PLCB4: variants seen among roughly 807,000 people sequenced by gnomAD.
PLCB4 encodes the protein phospholipase C beta 4.
In PLCB4, 77 loss-of-function variants were observed where a neutral mutation model predicts 178.8. The ratio of observed to expected loss-of-function variants is 0.43; its 90% CI spans 0.36 to 0.52. The LOEUF (loss-of-function observed/expected upper bound fraction) is 0.52, where lower values mean the gene tolerates loss of function less well. Ranked by LOEUF, PLCB4 falls within the 20% of genes least tolerant of loss-of-function variation. PLCB4 has a pLI of 0.00. For synonymous variants in PLCB4, 496 were observed against 490.8 expected (o/e 1.01, Z -0.14); for missense variants, 1,024 against 1,453.4 (o/e 0.70, Z 4.80).
intron 17 of PLCB4, among the ~76,000 whole-genome samples, chr20:9,391,246 A>T (rs150309516): frequency 5.3e-5 from 8 of 152,326 alleles, no homozygotes; most frequent in Admixed American, 1.3e-4. Context: ...GCTTTATGAG[A>T]TCTGTGAATT....
rs189835617 is a variant in PLCB4, at chr20:9,403,698, A to G, written c.1612-1615A>G. Among the ~76,000 whole-genome samples the G allele has an allele frequency of 2.6e-5, 4 of 152,316 alleles. No individual in the cohort carries two copies. The East Asian group carries it at 7.7e-4, about 29-fold the overall frequency. On this transcript the variant is annotated intron_variant, in intron 20 of 39. Transcript: ENST00000378473. ...TTGAACAGAGGTTGAATAGTTGGCC[A>G]CCTTTGATTGGCTGAAACTCAGTGA...
intron 2 of PLCB4, among the ~76,000 whole-genome samples, chr20:9,119,518 G>GGA (rs373728613): frequency 7.6e-6 from 1 of 131,604 alleles, no homozygotes; most frequent in Non-Finnish European, 1.6e-5. Flanking sequence ...AGAGAAAGGA[G>GGA]AAAAAAAAAA....
At chr20:9,354,110 C>T (rs1044144654) in intron 7 of PLCB4, among the ~76,000 whole-genome samples, 2 of 152,188 alleles carry the variant, frequency 1.3e-5, no homozygotes, top group Non-Finnish European at 2.9e-5. Context: ...TGTGAAATAT[C>T]CTCTTACCCA....
At chr20:9,415,759 A>G (rs2040198455) in intron 25 of PLCB4, among the ~76,000 whole-genome samples, 2 of 152,258 alleles carry the variant, frequency 1.3e-5, no homozygotes, top group South Asian at 2.1e-4. Context: ...CTGAGAATTT[A>G]GGATGGTGGA....
At chr20:9,339,885 A>C (rs991460083) in intron 7 of PLCB4, among the ~76,000 whole-genome samples, 3 of 152,150 alleles carry the variant, frequency 2.0e-5, no homozygotes, top group African/African-American at 7.2e-5. Flanking sequence ...CTTCTCGAAG[A>C]AGTAGAAAGC....
In PLCB4 at chr20:9,462,489, A is replaced by T. The variant is rs555673931; in HGVS notation, c.3248+2679A>T. On this transcript the variant is annotated intron_variant, in intron 35 of 39. Coordinates refer to ENST00000378473, the MANE Select transcript of PLCB4 (RefSeq NM_001377142.1). ...TCTCTGAGCTAAAGGAGCATGTTCAAACCCATCGCAAGGAAGCTAAAAACC... is the reference window on the plus strand; with the variant it reads ...TCTCTGAGCTAAAGGAGCATGTTCATACCCATCGCAAGGAAGCTAAAAACC... Among the ~76,000 whole-genome samples the T allele has an allele frequency of 4.6e-5, 7 of 152,326 alleles. No individual in the cohort carries two copies. In the South Asian group the frequency reaches 1.5e-3, roughly 32 times the overall value.
intron 12 of PLCB4, among the ~76,000 whole-genome samples, chr20:9,375,744 G>A (rs888348497): frequency 1.3e-5 from 2 of 152,144 alleles, no homozygotes; most frequent in Non-Finnish European, 2.9e-5. Flanking sequence ...GATGTTGATT[G>A]TCTACTCTGA....
intron 3 of PLCB4, among the ~76,000 whole-genome samples, chr20:9,286,976 G>A (rs935039974): frequency 6.6e-6 from 1 of 152,036 alleles, no homozygotes; most frequent in South Asian, 2.1e-4. Context: ...ATATTTATGA[G>A]TGATGTTTTG....
intron 7 of PLCB4, among the ~76,000 whole-genome samples, chr20:9,339,252 T>C (rs923114855): frequency 6.6e-6 from 1 of 152,186 alleles, no homozygotes; most frequent in Non-Finnish European, 1.5e-5. Flanking sequence ...TACTACGATA[T>C]GTTGTAGGGA....
intron 3 of PLCB4, among the ~76,000 whole-genome samples, chr20:9,227,207 A>G (rs2093877696): frequency 6.7e-6 from 1 of 150,298 alleles, no homozygotes; most frequent in African/African-American, 2.5e-5. Flanking sequence ...TGGGCACTTG[A>G]TCCTTTTCAG....
At chr20:9,224,290 T>C (rs6118535) in intron 3 of PLCB4, among the ~76,000 whole-genome samples, 6,083 of 152,278 alleles carry the variant, frequency 0.04, 183 homozygotes, top group African/African-American at 0.08. Context: ...CCGGGCACCC[T>C]TCTATACAGT....
At chr20:9,123,912 G>A (rs1040653803) in intron 2 of PLCB4, among the ~76,000 whole-genome samples, 4 of 152,000 alleles carry the variant, frequency 2.6e-5, no homozygotes, top group Admixed American at 6.6e-5. Context: ...GGAGTATACC[G>A]TTTGTTGTGA....
At chr20:9,237,293 A>G (rs918667235) in intron 3 of PLCB4, among the ~76,000 whole-genome samples, 1 of 152,112 alleles carries the variant, frequency 6.6e-6, no homozygotes, top group East Asian at 1.9e-4. Flanking sequence ...ACACATCCAC[A>G]TCCCCCAACC....
intron 4 of PLCB4, among the ~76,000 whole-genome samples, chr20:9,310,728 T>A (rs886218593): frequency 6.6e-6 from 1 of 151,446 alleles, no homozygotes. Context: ...TAAAAAAAAA[T>A]AAATAAAAAA....
At chr20:9,076,350 C>T (rs1434615484) in intron 1 of PLCB4, among the ~76,000 whole-genome samples, 2 of 152,078 alleles carry the variant, frequency 1.3e-5, no homozygotes, top group East Asian at 3.9e-4. Flanking sequence ...GCCTGTAATT[C>T]CAGCTACTCG....
chr20:9,424,307 G>A (rs2040848236), intron 28 of PLCB4, among the ~76,000 whole-genome samples: 1 of 152,096 alleles, frequency 6.6e-6, no homozygotes, highest in Non-Finnish European at 1.5e-5. Flanking sequence ...CTTATCAATA[G>A]TATCGCTAAA....
intron 25 of PLCB4, among the ~76,000 whole-genome samples, chr20:9,415,663 A>G (rs2040190790): frequency 6.6e-6 from 1 of 152,260 alleles, no homozygotes. Flanking sequence ...GATGTCTGGA[A>G]TGAGTTCATT....
At chr20:9,164,047 G>A (rs1185747399) in intron 2 of PLCB4, among the ~76,000 whole-genome samples, 1 of 152,146 alleles carries the variant, frequency 6.6e-6, no homozygotes, top group East Asian at 1.9e-4. Flanking sequence ...AAAAGATGAA[G>A]GGTATTTTTA....
intron 7 of PLCB4, among the ~76,000 whole-genome samples, chr20:9,347,139 A>G (rs1268835136): frequency 6.6e-6 from 1 of 152,212 alleles, no homozygotes; most frequent in African/African-American, 2.4e-5. Context: ...TGATGTGAAT[A>G]GCTGAAAACA....
Sources: allele counts gnomAD v4.1 joint callset (sites outside exome capture counted in the v4.1 genomes callset), GRCh38; gene constraint gnomAD v4.1.1; transcripts MANE v1.5; gene names NCBI Gene and HGNC (gene_info 2026-07-23, HGNC 2026-07-21).